The following SLC25A21 variants were observed in gnomAD, a reference collection of about 807,000 sequenced individuals.
The protein encoded by SLC25A21 is mitochondrial 2-oxodicarboxylate carrier.
A neutral mutation model predicts 43.8 loss-of-function variants in SLC25A21; 47 were observed. The observed-to-expected ratio is 1.07, with a 90% CI of 0.85 to 1.37. SLC25A21 has a LOEUF of 1.37. SLC25A21 is among the 40% of genes most tolerant of loss of function. The pLI is 0.00. For missense variants in SLC25A21, 352 were observed against 350.2 expected (o/e 1.00, Z -0.04); for synonymous variants, 131 against 121.3 (o/e 1.08, Z -0.52).
intron 1 of SLC25A21, among the ~76,000 whole-genome samples, chr14:37,158,946 T>C (rs1400335039): frequency 2.0e-5 from 3 of 152,108 alleles, no homozygotes; most frequent in African/African-American, 7.2e-5. Flanking sequence ...AATAGTTATC[T>C]AGCCAAGAAA....
At chr14:36,926,672 C>T (rs974167901) in intron 1 of SLC25A21, among the ~76,000 whole-genome samples, 1 of 152,090 alleles carries the variant, frequency 6.6e-6, no homozygotes, top group Non-Finnish European at 1.5e-5. Flanking sequence ...GAAGAAATTA[C>T]TTATAACTCT....
chr14:36,925,049 A>T (rs712403), intron 1 of SLC25A21, among the ~76,000 whole-genome samples: 4,890 of 152,214 alleles, frequency 0.032, 263 homozygotes, highest in African/African-American at 0.11. Context: ...AGGTTAAAAA[A>T]ATATATATCA....
intron 3 of SLC25A21, among the ~76,000 whole-genome samples, chr14:36,796,982 T>C (rs1887697778): frequency 6.6e-6 from 1 of 152,182 alleles, no homozygotes; most frequent in Non-Finnish European, 1.5e-5. Context: ...CTATCTATTT[T>C]ACTCAGTGGA....
rs33962615 is a variant in SLC25A21 at position 37,133,143 on chromosome 14, G to GCACACACACACACA, written c.70+39124_70+39137dup. ...ACCCCACCTTACTGTGTGCACTCGT[G>GCACACACACACACA]CACACACACACACACACACACACAC... On this transcript the variant is annotated intron_variant, in intron 1 of 9. Coordinates refer to ENST00000331299, the MANE Select transcript of SLC25A21 (RefSeq NM_030631.4). Among the ~76,000 whole-genome samples the GCACACACACACACA allele has an allele frequency of 7.9e-3, 1,163 of 148,074 alleles. 20 individuals are homozygous for GCACACACACACACA. Among genetic ancestry groups the GCACACACACACACA allele is most frequent in the African/African-American group, 0.027 (1,104 of 40,348 alleles).
intron 6 of SLC25A21, among the ~76,000 whole-genome samples, chr14:36,713,912 T>C (rs971700663): frequency 6.6e-6 from 1 of 152,088 alleles, no homozygotes; most frequent in African/African-American, 2.4e-5. Flanking sequence ...GGAGGATCAC[T>C]TGAGGCCTGG....
At chr14:36,986,484 G>A (rs529974610) in intron 1 of SLC25A21, among the ~76,000 whole-genome samples, 2 of 152,254 alleles carry the variant, frequency 1.3e-5, no homozygotes, top group African/African-American at 4.8e-5. Flanking sequence ...TGGGAATCCT[G>A]AAGACTTCCC....
At chr14:37,082,684 A>T (rs1962412046) in intron 1 of SLC25A21, among the ~76,000 whole-genome samples, 1 of 152,206 alleles carries the variant, frequency 6.6e-6, no homozygotes, top group African/African-American at 2.4e-5. Flanking sequence ...CCCATCCTGA[A>T]GTACCTATTT....
chr14:36,920,322 G>A (rs1416357275), intron 1 of SLC25A21, among the ~76,000 whole-genome samples: 1 of 152,010 alleles, frequency 6.6e-6, no homozygotes, highest in African/African-American at 2.4e-5. Context: ...TATTCACACA[G>A]GAGACAAGAA....
rs1041052530 is a variant in SLC25A21 at position 36,850,525 on chromosome 14, A to C, written c.119+24431T>G. The stretch of plus-strand genomic sequence containing the variant: ...CCATGGTCTCTTAGAAAAAAGGCTT[A>C]TGATCCCAGAAAGTCACTTAATCAG... On this transcript the variant is annotated intron_variant, in intron 2 of 9. Coordinates refer to ENST00000331299, the MANE Select transcript of SLC25A21 (RefSeq NM_030631.4). 2.0e-5 allele frequency among the ~76,000 whole-genome samples: 3 copies of C among 152,278 alleles called. No homozygotes were observed. In the East Asian group the frequency reaches 5.8e-4, roughly 29 times the overall value.
chr14:36,698,799 C>T lies in SLC25A21; in HGVS notation c.603+12519G>A, dbSNP rs189814620. Among the ~76,000 whole-genome samples the T allele has an allele frequency of 6.2e-3, 943 of 152,270 alleles. 14 individuals carry two copies. The highest frequency in any genetic ancestry group is 0.022 in the African/African-American group (912 of 41,552). On this transcript the variant is annotated intron_variant, in intron 7 of 9. Coordinates refer to ENST00000331299, the MANE Select transcript of SLC25A21 (RefSeq NM_030631.4). ...TAAGGTCTTCTCTACACTGTTTATT[C>T]TAGTTAGCCATTCGTCTAATCTTTT...
intron 1 of SLC25A21, among the ~76,000 whole-genome samples, chr14:37,162,154 A>G (rs1353263645): frequency 6.6e-6 from 1 of 152,136 alleles, no homozygotes; most frequent in African/African-American, 2.4e-5. Flanking sequence ...TGTCTCCAGA[A>G]GGAGCCAACC....
chr14:36,744,287 A>C (rs1331811107), intron 3 of SLC25A21, among the ~76,000 whole-genome samples: 1 of 152,178 alleles, frequency 6.6e-6, no homozygotes, highest in African/African-American at 2.4e-5. Flanking sequence ...ACTTCAGATT[A>C]CACTAGAAGG....
At chr14:36,986,427 C>T (rs1234500255) in intron 1 of SLC25A21, among the ~76,000 whole-genome samples, 3 of 152,108 alleles carry the variant, frequency 2.0e-5, no homozygotes, top group Non-Finnish European at 4.4e-5. Flanking sequence ...CTCCACTTGA[C>T]TGCTTAAGTG....
At chr14:36,777,093 A>G (rs1342290023) in intron 3 of SLC25A21, among the ~76,000 whole-genome samples, 2 of 152,154 alleles carry the variant, frequency 1.3e-5, no homozygotes, top group African/African-American at 4.8e-5. Flanking sequence ...CCCCGTCTCT[A>G]CTAAAAATAC....
At chr14:36,777,157 C>G (rs1373876980) in intron 3 of SLC25A21, among the ~76,000 whole-genome samples, 1 of 152,122 alleles carries the variant, frequency 6.6e-6, no homozygotes, top group African/African-American at 2.4e-5. Context: ...ACTTGGGAGG[C>G]TGAGGCAGGA....
At chr14:36,948,763 C>T (rs911252463) in intron 1 of SLC25A21, among the ~76,000 whole-genome samples, 9 of 151,326 alleles carry the variant, frequency 5.9e-5, no homozygotes, top group African/African-American at 1.2e-4. Context: ...TCCAAAGACG[C>T]GATACTAAAA....
intron 1 of SLC25A21, among the ~76,000 whole-genome samples, chr14:37,110,832 A>G (rs963534286): frequency 6.6e-6 from 1 of 152,196 alleles, no homozygotes; most frequent in African/African-American, 2.4e-5. Flanking sequence ...CTTACCTGTT[A>G]CTTGGTTTTG....
chr14:36,817,676 T>C (rs569583007), intron 2 of SLC25A21, among the ~76,000 whole-genome samples: 1 of 152,176 alleles, frequency 6.6e-6, no homozygotes, highest in South Asian at 2.1e-4. Context: ...CACAATTGCA[T>C]GGCCCTGGTT....
At chr14:36,841,687 C>A (rs565977984) in intron 2 of SLC25A21, among the ~76,000 whole-genome samples, 2 of 152,308 alleles carry the variant, frequency 1.3e-5, no homozygotes, top group African/African-American at 4.8e-5. Flanking sequence ...TCCGCCTATG[C>A]ATACCTTGCC....
Sources: gnomAD v4.1 joint callset for allele counts (sites outside exome capture counted in the v4.1 genomes callset) on GRCh38, gnomAD v4.1.1 for gene constraint, MANE v1.5 for transcripts, NCBI Gene and HGNC (gene_info 2026-07-23, HGNC 2026-07-21) for gene names.